The following HPS4 variants were observed in gnomAD, a reference collection of about 807,000 sequenced individuals.
The protein encoded by HPS4 is HPS4 biogenesis of lysosomal organelles complex 3 subunit 2, also known as BLOC-3 complex member HPS4.
A neutral mutation model predicts 70.3 loss-of-function variants in HPS4; 44 were observed. That is an observed-to-expected ratio of 0.63 (90% CI 0.49 to 0.80). The LOEUF (loss-of-function observed/expected upper bound fraction) is 0.80, where lower values mean the gene tolerates loss of function less well. HPS4 is among the 30% of genes least tolerant of loss of function. The pLI, the probability that HPS4 is intolerant of heterozygous loss-of-function variation, is 0.00. For synonymous variants in HPS4, 377 were observed against 355.9 expected (o/e 1.06, Z -0.67); for missense variants, 873 against 884.4 (o/e 0.99, Z 0.16).
downstream of HPS4, chr22:26,443,330 ATTT>A: frequency 1.3e-6 from 1 of 758,906 alleles, no homozygotes; most frequent in Non-Finnish European, 2.2e-6. Context: ...GAAAGCTCTT[ATTT>A]GGGATTTTAT....
At chr22:26,453,907 G>C (rs557026051) in intron 13 of HPS4, 2 of 199,286 alleles carry the variant, frequency 1.0e-5, no homozygotes, top group African/African-American at 4.7e-5. Flanking sequence ...CCACACTGGG[G>C]GTGGCTGGAT....
chr22:26,466,138 G>C, intron 9 of HPS4, 88 bp downstream of exon 9: 1 of 1,611,526 alleles, frequency 6.2e-7, no homozygotes, highest in African/African-American at 1.3e-5. Flanking sequence ...CATGCAGATG[G>C]CTTGGTTTCC....
chr22:26,458,118 C>A, intron 12 of HPS4, 151 bp from the exon 13 acceptor site: 1 of 754,204 alleles, frequency 1.3e-6, no homozygotes, highest in South Asian at 1.5e-5. Context: ...GGGCATTGGG[C>A]TTCGGCTGCC....
chr22:26,473,351 ACTC>A (rs2090101102), intron 4 of HPS4, among the ~76,000 whole-genome samples: 1 of 151,996 alleles, frequency 6.6e-6, no homozygotes, highest in Admixed American at 6.6e-5. Context: ...CAGGACTCAA[ACTC>A]CTTCATGAAT....
chr22:26,481,756 T>G lies in HPS4; in HGVS notation c.7A>C (p.Thr3Pro), dbSNP rs1602139295. 1 of 1,614,052 alleles carries G rather than the reference T, an allele frequency of 6.2e-7. No individual in the cohort carries two copies. The highest frequency in any genetic ancestry group is 8.5e-7 in the Non-Finnish European group (1 of 1,179,904). MA[T>P]STSTEAKSAS... is the part of the protein sequence containing the mutation. ...GACTTTGCCTCTGTGGAGGTAGAGG[T>G]GGCCATCTACTGTGCAGTCATCCTC... Residue 3 changes from threonine (T) to proline (P), a missense_variant, in exon 2 of 14, where the codon ACC (threonine) becomes CCC (proline). By Grantham distance (38) the Thr-to-Pro change is conservative (BLOSUM62 -1). Coordinates refer to ENST00000398145, the MANE Select transcript of HPS4 (RefSeq NM_022081.6).
intron 11 of HPS4, among the ~76,000 whole-genome samples, chr22:26,462,821 G>C (rs2087592823): frequency 6.6e-6 from 1 of 152,122 alleles, no homozygotes; most frequent in South Asian, 2.1e-4. Flanking sequence ...TGGTGAATGG[G>C]GATACAGGAA....
At chr22:26,449,664 C>T (rs1193081343), downstream of HPS4, among the ~76,000 whole-genome samples, 6 of 152,172 alleles carry the variant, frequency 3.9e-5, no homozygotes, top group African/African-American at 9.7e-5. Flanking sequence ...CTGTGCCCCG[C>T]GCCATGGCAA....
At chr22:26,481,574 G>C (rs906223843) in intron 2 of HPS4, 148 bp downstream of exon 2, 17 of 754,900 alleles carry the variant, frequency 2.3e-5, no homozygotes, top group Non-Finnish European at 3.3e-5. Flanking sequence ...GATGGCTCAC[G>C]TGCTTGATTC....
At chr22:26,478,342 G>C (rs1176340205) in intron 3 of HPS4, among the ~76,000 whole-genome samples, 3 of 152,122 alleles carry the variant, frequency 2.0e-5, no homozygotes, top group Non-Finnish European at 4.4e-5. Context: ...GGAGGCTGAG[G>C]TGGGTGGATC....
downstream of HPS4, chr22:26,443,267 T>C: frequency 7.4e-7 from 1 of 1,349,546 alleles, no homozygotes; most frequent in Non-Finnish European, 1.1e-6. Context: ...CAGACTGTGG[T>C]CCGGTCCAGT....
In HPS4 at chr22:26,464,404, G is replaced by A. The variant is rs753613070; in HGVS notation, c.1226C>T (p.Ser409Phe). The change falls in exon 11 of 14, where the codon TCC (serine) becomes TTC (phenylalanine). Residue 409 changes from serine (S) to phenylalanine (F), a missense_variant. By Grantham distance (155) the Ser-to-Phe change is radical. Transcript: ENST00000398145. ...AGGAGGCGTGGGTTCCAGGCTGCTG[G>A]AGGCGCTGAGAGATGCCTTGCAGTA... ...APYCKASLSA[S>F]SSLEPTPPED... The A allele has an allele frequency of 5.6e-6, 9 of 1,614,212 alleles. No individual in the cohort carries two copies. Among genetic ancestry groups the A allele is most frequent in the Non-Finnish European group, 7.6e-6 (9 of 1,180,040 alleles).
chr22:26,460,339 A>G (rs921180415), intron 11 of HPS4, among the ~76,000 whole-genome samples: 1 of 152,238 alleles, frequency 6.6e-6, no homozygotes, highest in Admixed American at 6.5e-5. Context: ...CCTGACCAAC[A>G]CTGCGTTTAA....
intron 3 of HPS4, among the ~76,000 whole-genome samples, chr22:26,478,369 G>C (rs988649608): frequency 6.6e-6 from 1 of 151,746 alleles, no homozygotes; most frequent in African/African-American, 2.4e-5. Context: ...TCAGGAGATC[G>C]AGACCATCCT....
In HPS4 at chr22:26,481,865, T is replaced by C; in HGVS notation, c.-103A>G. 8.7e-7 allele frequency: 1 copy of C among 1,144,650 alleles called. No homozygotes were observed. The highest frequency in any genetic ancestry group is 2.1e-4 in the Middle Eastern group (1 of 4,654). 70.9% of individuals were successfully genotyped at this position (1,144,650 alleles called of 1,614,324 possible). A position where few individuals can be genotyped will look rare whatever the true frequency, so the allele number is the denominator to read the frequency against. On this transcript the variant is annotated 5_prime_UTR_variant, in exon 2 of 14. Coordinates refer to ENST00000398145, the MANE Select transcript of HPS4 (RefSeq NM_022081.6). ...TTCCTCTATCCCCCAATCCAGTGAATCTGGACGTGGTAGGTTTCAGTGTTT... is the reference window on the plus strand; with the variant it reads ...TTCCTCTATCCCCCAATCCAGTGAACCTGGACGTGGTAGGTTTCAGTGTTT...
chr22:26,483,818 C>A, upstream of HPS4: 12 of 1,223,870 alleles, frequency 9.8e-6, no homozygotes, highest in Non-Finnish European at 1.3e-5. Flanking sequence ...CTACCTCCCC[C>A]TCCAGCTCCT....
chr22:26,468,547 A>G lies in HPS4; in HGVS notation c.669+4T>C, dbSNP rs561510856. 12 of 1,613,260 alleles carry G rather than the reference A, an allele frequency of 7.4e-6. No homozygotes were observed. The African/African-American group carries it at 1.3e-4, about 18-fold the overall frequency. On this transcript the variant is annotated splice_donor_region_variant and intron_variant, in intron 8 of 13. Coordinates refer to ENST00000398145, the MANE Select transcript of HPS4 (RefSeq NM_022081.6). ...TCCAGCCAGGTGGGTGGACTTTACA[A>G]TACCTGCTCCTGAGGTGCTGTTCGG...
Position 26,451,988 on chromosome 22 carries a change from G to GCA in HPS4, c.*1244_*1245insTG, listed in dbSNP as rs2085261264. 1.0e-4 allele frequency: 2 copies of GCA among 19,144 alleles called. No homozygotes were observed. Among genetic ancestry groups the GCA allele is most frequent in the African/African-American group, 2.9e-4 (2 of 6,842 alleles). The allele number at this position is 19,144 out of a possible 1,614,324, so 1.2% of individuals were successfully genotyped here. ...GAAAAGAGGGATGCGCCCACGTTAC[G>GCA]CGCGCGCGCGCGCGCGCACACACAC... On this transcript the variant is annotated 3_prime_UTR_variant, in exon 14 of 14. Coordinates refer to ENST00000398145, the MANE Select transcript of HPS4 (RefSeq NM_022081.6).
chr22:26,458,509 C>T lies in HPS4; in HGVS notation c.1782G>A (p.Glu594=), dbSNP rs2086619449. The T allele has an allele frequency of 1.2e-6, 2 of 1,614,154 alleles. No individual in the cohort carries two copies. Among genetic ancestry groups the T allele is most frequent in the Middle Eastern group, 3.3e-4 (2 of 6,062 alleles). The change falls in exon 12 of 14, where the codon GAG becomes GAA. Residue 594 remains glutamate, a synonymous_variant. Coordinates refer to ENST00000398145, the MANE Select transcript of HPS4 (RefSeq NM_022081.6). Reference sequence around the variant, plus strand: ...TGTAGGTGCTGCTCGTGGAGGCTGCCTCATCCCTGGGCAGCGTCTCTTTCA... The same window carrying T: ...TGTAGGTGCTGCTCGTGGAGGCTGCTTCATCCCTGGGCAGCGTCTCTTTCA... ...VHLKETLPRD[E]AASTSSTYNF...
downstream of HPS4, among the ~76,000 whole-genome samples, chr22:26,448,704 A>G (rs2085037513): frequency 6.6e-6 from 1 of 152,220 alleles, no homozygotes; most frequent in Non-Finnish European, 1.5e-5. Context: ...TCTCAGGGGA[A>G]GTACAGCTAA....
Sources: allele counts gnomAD v4.1 joint callset (sites outside exome capture counted in the v4.1 genomes callset), GRCh38; gene constraint gnomAD v4.1.1; transcripts MANE v1.5; gene names NCBI Gene and HGNC (gene_info 2026-07-23, HGNC 2026-07-21).